Variants in PCDHA5 observed in about 807,000 individuals in gnomAD.
PCDHA5 encodes the protein protocadherin alpha 5, also known as protocadherin alpha-5.
PCDHA5 carries 43 observed loss-of-function variants against 61.6 expected under a neutral mutation model. The ratio of observed to expected loss-of-function variants is 0.70; its 90% confidence interval spans 0.55 to 0.90. The LOEUF is 0.90. Among genes scored for constraint, PCDHA5 ranks in the 40% least tolerant of loss-of-function variants. The probability of loss-of-function intolerance (pLI) is 0.00; values close to 1 mark genes in which losing one functional copy is unlikely to be tolerated. For missense variants in PCDHA5, 1,298 were observed against 1,222.7 expected, an observed-to-expected ratio of 1.06 and a Z score of -0.92; for synonymous variants, 627 against 543.9, an observed-to-expected ratio of 1.15 and a Z score of -2.13.
Position 140,906,732 on chromosome 5 carries a change from T to G in PCDHA5, c.2353-72217T>G, listed in dbSNP as rs535007647. On this transcript the variant is annotated intron_variant, in intron 1 of 3. Coordinates refer to ENST00000529859, the MANE Select transcript of PCDHA5 (RefSeq NM_018908.3). ...CTGCCTGGATTGTGCTGTTGTAGTT[T>G]CCCATTGACACAGGGCATGGTAATA... Among the ~76,000 whole-genome samples, 14 of 152,296 alleles carry G rather than the reference T, an allele frequency of 9.2e-5. No individual in the cohort carries two copies. The South Asian group carries it at 2.7e-3, about 29-fold the overall frequency.
chr5:140,991,875 G>A (rs2097477734), intron 3 of PCDHA5, among the ~76,000 whole-genome samples: 1 of 152,092 alleles, frequency 6.6e-6, no homozygotes, highest in South Asian at 2.1e-4. Context: ...AGTTTCCTAG[G>A]GCTGCCATAA....
chr5:140,986,345 C>T (rs1442253492), intron 3 of PCDHA5, among the ~76,000 whole-genome samples: 2 of 152,172 alleles, frequency 1.3e-5, no homozygotes, highest in African/African-American at 4.8e-5. Flanking sequence ...GTTGCAGCCT[C>T]TTCTTCAGAT....
chr5:140,861,154 CA>C lies in PCDHA5; in HGVS notation c.2352+37031del, dbSNP rs782409708. On this transcript the variant is annotated intron_variant, in intron 1 of 3. Coordinates refer to ENST00000529859, the MANE Select transcript of PCDHA5 (RefSeq NM_018908.3). ...CACTTGGAACCTCAGGAACAAGGAC[CA>C]AAAGGTCTCAGAGGAACTAAGTCTT... The C allele has an allele frequency of 5.8e-4, 90 of 154,832 alleles. 1 individual carries two copies. The highest frequency in any genetic ancestry group is 1.2e-3 in the Non-Finnish European group (81 of 69,986). 9.6% of individuals were successfully genotyped at this position (154,832 alleles called of 1,614,324 possible). A position where few individuals can be genotyped will look rare whatever the true frequency, so the allele number is the denominator to read the frequency against.
intron 1 of PCDHA5, among the ~76,000 whole-genome samples, chr5:140,948,191 C>A (rs2094221032): frequency 6.6e-6 from 1 of 151,562 alleles, no homozygotes; most frequent in African/African-American, 2.4e-5. Context: ...CCCACTTAGT[C>A]ATGATATATT....
intron 1 of PCDHA5, among the ~76,000 whole-genome samples, chr5:140,937,108 G>A (rs1014984809): frequency 7.3e-5 from 11 of 151,276 alleles, no homozygotes; most frequent in Non-Finnish European, 1.5e-4. Context: ...CGCAGTCTCG[G>A]CTCACTGCAA....
intron 1 of PCDHA5, chr5:140,860,323 G>C (rs782283348): frequency 2.6e-5 from 4 of 152,078 alleles, no homozygotes; most frequent in Non-Finnish European, 5.9e-5. Flanking sequence ...TGAGGCTGCA[G>C]TGACCCATGA....
intron 1 of PCDHA5, chr5:140,834,635 G>T: frequency 6.2e-7 from 1 of 1,614,092 alleles, no homozygotes; most frequent in African/African-American, 1.3e-5. Context: ...ATGGCATTTT[G>T]TTTGTGAATT....
intron 1 of PCDHA5, chr5:140,853,549 T>C: frequency 1.0e-6 from 1 of 979,350 alleles, no homozygotes; most frequent in South Asian, 4.8e-5. Flanking sequence ...TTGTAATTAC[T>C]ATATAGGAAA....
At chr5:140,936,351 T>C (rs2090932385) in intron 1 of PCDHA5, among the ~76,000 whole-genome samples, 1 of 152,246 alleles carries the variant, frequency 6.6e-6, no homozygotes, top group African/African-American at 2.4e-5. Flanking sequence ...ATATATGGAA[T>C]GTGTAGCTAC....
chr5:140,925,125 A>G (rs1399052853), intron 1 of PCDHA5, among the ~76,000 whole-genome samples: 2 of 150,878 alleles, frequency 1.3e-5, no homozygotes, highest in African/African-American at 2.4e-5. Flanking sequence ...AAGGAAGGAA[A>G]AAAAATTTCA....
chr5:140,986,853 A>G (rs1424493333), intron 3 of PCDHA5, among the ~76,000 whole-genome samples: 3 of 152,206 alleles, frequency 2.0e-5, no homozygotes, highest in Admixed American at 6.5e-5. Flanking sequence ...AGCAACACCA[A>G]CAATACCCGG....
At chr5:140,834,036 C>A (rs2150213017) in intron 1 of PCDHA5, among the ~76,000 whole-genome samples, 3 of 152,146 alleles carry the variant, frequency 2.0e-5, no homozygotes, top group Admixed American at 2.0e-4. Flanking sequence ...AGCCATCAGT[C>A]GCCTAAGAAT....
intron 1 of PCDHA5, chr5:140,967,070 A>C (rs781831975): frequency 6.2e-7 from 1 of 1,613,072 alleles, no homozygotes; most frequent in South Asian, 1.1e-5. Context: ...GCTCTTCGTC[A>C]ACGAGCGCAT....
At chr5:140,877,380 C>T (rs372220347) in intron 1 of PCDHA5, 25 of 1,613,862 alleles carry the variant, frequency 1.5e-5, no homozygotes, top group Middle Eastern at 1.6e-4. Context: ...CGACACGCAT[C>T]CTGGATGAGG....
At chr5:140,836,250 C>T (rs1554135772) in intron 1 of PCDHA5, 18 of 1,613,676 alleles carry the variant, frequency 1.1e-5, no homozygotes, top group Non-Finnish European at 1.4e-5. Context: ...CATCCCGTTC[C>T]GCGTGGGGCT....
chr5:140,860,904 A>ATT (rs369143047), intron 1 of PCDHA5: 1 of 152,182 alleles, frequency 6.6e-6, no homozygotes, highest in African/African-American at 2.4e-5. Context: ...CGCCAGGCTA[A>ATT]TTTTTTGTAT....
At chr5:140,998,405 G>C (rs144117915) in intron 3 of PCDHA5, among the ~76,000 whole-genome samples, 226 of 152,208 alleles carry the variant, frequency 1.5e-3, no homozygotes, top group African/African-American at 5.2e-3. Flanking sequence ...TTATGCCAAA[G>C]TTTATCTACC....
At chr5:141,009,285 T>C (rs1554262099) in intron 3 of PCDHA5, among the ~76,000 whole-genome samples, 1 of 152,106 alleles carries the variant, frequency 6.6e-6, no homozygotes, top group African/African-American at 2.4e-5. Context: ...TGAGATCCCA[T>C]TTCTATAAAA....
At chr5:140,904,932 T>C in intron 1 of PCDHA5, among the ~76,000 whole-genome samples, 1 of 152,250 alleles carries the variant, frequency 6.6e-6, no homozygotes, top group African/African-American at 2.4e-5. Context: ...TTGTAGGTTC[T>C]GGATATTAGT....
Sources: allele counts gnomAD v4.1 joint callset (sites outside exome capture counted in the v4.1 genomes callset), GRCh38; gene constraint gnomAD v4.1.1; transcripts MANE v1.5; gene names NCBI Gene and HGNC (gene_info 2026-07-23, HGNC 2026-07-21).